Variants in AFF1 observed in about 807,000 individuals in gnomAD.
AFF1 encodes the protein ALF transcription elongation factor 1.
Under a neutral mutation model 121.7 loss-of-function variants are expected in AFF1, and 48 were observed. That is an observed-to-expected ratio of 0.39 (90% confidence interval 0.31 to 0.50). The LOEUF (loss-of-function observed/expected upper bound fraction) is 0.50, where lower values mean the gene tolerates loss of function less well. Among genes scored for constraint, AFF1 ranks in the 20% least tolerant of loss-of-function variants. The probability of loss-of-function intolerance (pLI) is 0.76; values close to 1 mark genes in which losing one functional copy is unlikely to be tolerated. For missense variants in AFF1, 1,523 were observed against 1,511.7 expected, an observed-to-expected ratio of 1.01 and a Z score of -0.12; for synonymous variants, 613 against 563.0, an observed-to-expected ratio of 1.09 and a Z score of -1.26.
At chr4:86,986,608 T>G (rs1288931268) in intron 2 of AFF1, among the ~76,000 whole-genome samples, 1 of 151,868 alleles carries the variant, frequency 6.6e-6, no homozygotes, top group Non-Finnish European at 1.5e-5. Context: ...AAAAAAAAAT[T>G]GTTTTTCCCC....
chr4:87,049,737 T>G, intron 4 of AFF1: 1 of 456,186 alleles, frequency 2.2e-6, no homozygotes, highest in Non-Finnish European at 4.4e-6. Context: ...TGGTACCAAC[T>G]GCCTGGGAGC....
intron 4 of AFF1, among the ~76,000 whole-genome samples, chr4:87,053,118 G>A (rs1346075299): frequency 6.6e-6 from 1 of 152,190 alleles, no homozygotes; most frequent in Non-Finnish European, 1.5e-5. Flanking sequence ...TGTTTATTTA[G>A]TAGGTATTTA....
chr4:86,938,449 C>CAAAAA (rs35867614), intron 1 of AFF1, among the ~76,000 whole-genome samples: 10 of 100,016 alleles, frequency 1.0e-4, no homozygotes, highest in East Asian at 5.9e-4. Flanking sequence ...GACTCCGTCT[C>CAAAAA]AAAAAAAAAA....
rs1334777789 is a variant in AFF1, at chr4:87,115,217, A to G, written c.2384A>G (p.Asp795Gly). The change falls in exon 12 of 21, where the codon GAT becomes GGT. Residue 795 changes from aspartate to glycine, a missense_variant. Coordinates refer to ENST00000395146, the MANE Select transcript of AFF1 (RefSeq NM_001166693.3). ...GGGAGCCGCCAGAGGAAAGCAGAAGATAAACAGCCGCCCGCAGGGAAGAAG... is the reference window on the plus strand; with the variant it reads ...GGGAGCCGCCAGAGGAAAGCAGAAGGTAAACAGCCGCCCGCAGGGAAGAAG... ...GKGSRQRKAE[D>G]KQPPAGKKHS... 1.2e-6 allele frequency: 2 copies of G among 1,614,198 alleles called. No individual in the cohort carries two copies. Among genetic ancestry groups the G allele is most frequent in the Non-Finnish European group, 1.7e-6 (2 of 1,180,040 alleles).
At chr4:87,110,441 T>TTTTTGTTTTGTTTTGTTTTGTTTTG (rs70957206) in intron 11 of AFF1, among the ~76,000 whole-genome samples, 1 of 143,930 alleles carries the variant, frequency 6.9e-6, no homozygotes, top group African/African-American at 2.6e-5. Flanking sequence ...TGTTCTGGTT[T>TTTTTGTTTTGTTTTGTTTTGTTTTG]TTTTGTTTTG....
intron 2 of AFF1, among the ~76,000 whole-genome samples, chr4:87,035,512 G>T (rs1444078329): frequency 6.6e-6 from 1 of 151,812 alleles, no homozygotes; most frequent in Non-Finnish European, 1.5e-5. Context: ...AGTGAGCGGA[G>T]ATCGCGCCAC....
chr4:87,141,037 T>A lies in AFF1; in HGVS notation c.*5336T>A, dbSNP rs1266293034. The stretch of plus-strand genomic sequence containing the variant: ...AAAAATTAATAAAAATTTCGAGAAA[T>A]CATTGGGGTTGAATCCATGCTTTCT... On this transcript the variant is annotated 3_prime_UTR_variant, in exon 21 of 21. Transcript: ENST00000395146. 1.1e-5 allele frequency: 2 copies of A among 175,590 alleles called. No homozygotes were observed. Among genetic ancestry groups the A allele is most frequent in the African/African-American group, 4.7e-5 (2 of 42,182 alleles). 10.9% of individuals were successfully genotyped at this position (175,590 alleles called of 1,614,324 possible).
chr4:87,024,406 C>T lies in AFF1; in HGVS notation c.39-21760C>T, dbSNP rs116097844. The stretch of plus-strand genomic sequence containing the variant: ...TGAAGAAATGTGAGGTCAGTGTTTC[C>T]CAGCGTTAGCCTCTGGGAAGTAAGT... On this transcript the variant is annotated intron_variant, in intron 2 of 20. Transcript: ENST00000395146. Among the ~76,000 whole-genome samples, 390 of 152,136 alleles carry T rather than the reference C, an allele frequency of 2.6e-3. 5 individuals carry two copies. The highest frequency in any genetic ancestry group is 8.2e-3 in the African/African-American group (340 of 41,500).
rs1172272368 is a variant in AFF1, at chr4:87,046,232, C to G, written c.105C>G (p.His35Gln). The change falls in exon 3 of 21, where the codon CAC (histidine) becomes CAG (glutamine). Residue 35 changes from histidine (H) to glutamine (Q), a missense_variant. By Grantham distance (24) the His-to-Gln change is conservative. Coordinates refer to ENST00000395146, the MANE Select transcript of AFF1 (RefSeq NM_001166693.3). ...AGGAAAGACGCAACCAGGAAGCCCA[C>G]CAAGAGAAAGAGGCATTTCCTGAAA... ...REKERRNQEA[H>Q]QEKEAFPEKI... is the part of the protein sequence containing the mutation. The G allele has an allele frequency of 1.2e-6, 2 of 1,613,976 alleles. No homozygotes were observed. The highest frequency in any genetic ancestry group is 1.7e-6 in the Non-Finnish European group (2 of 1,179,980).
In AFF1 at chr4:87,115,285, G is replaced by A. The variant is rs1208919798; in HGVS notation, c.2452G>A (p.Ala818Thr). 1 of 1,600,806 alleles carries A rather than the reference G, an allele frequency of 6.2e-7. No individual in the cohort carries two copies. Among genetic ancestry groups the A allele is most frequent in the Non-Finnish European group, 8.5e-7 (1 of 1,173,634 alleles). ...KRSSDSSSKLAKKRKGEAERD... is the reference protein window; with the variant it reads ...KRSSDSSSKLTKKRKGEAERD... ...GAGCTCAGACAGCTCAAGCAAGTTG[G>A]CCAAAAAGAGAAAGGTGAGTGTGGG... The change falls in exon 12 of 21, where the codon GCC becomes ACC. Residue 818 changes from alanine (A) to threonine (T), a missense_variant. Physicochemically the swap from Ala to Thr is moderately conservative, Grantham distance 58. Transcript: ENST00000395146.
At chr4:87,012,762 G>A (rs773167897) in intron 2 of AFF1, among the ~76,000 whole-genome samples, 21 of 152,142 alleles carry the variant, frequency 1.4e-4, no homozygotes, top group Non-Finnish European at 2.5e-4. Flanking sequence ...TGGTGCTAAT[G>A]CCCCAGGGAA....
chr4:87,110,476 GT>G (rs1726372247), intron 11 of AFF1, among the ~76,000 whole-genome samples: 1 of 139,474 alleles, frequency 7.2e-6, no homozygotes, highest in Non-Finnish European at 1.6e-5. Flanking sequence ...GTTTTGTTTT[GT>G]TTTGTTTTGT....
chr4:87,116,831 GGTGTGTGTGTGT>G (rs70957208), intron 12 of AFF1, among the ~76,000 whole-genome samples: 4 of 151,174 alleles, frequency 2.6e-5, no homozygotes, highest in African/African-American at 9.7e-5. Flanking sequence ...GATGGGGTGG[GGTGTGTGTGTGT>G]GTGTATGTGT....
In AFF1 at chr4:87,126,311, G is replaced by A. The variant is rs747205412; in HGVS notation, c.2786G>A (p.Gly929Asp). ...AAGCAGAGAAGAGTAGAGGGGAAGG[G>A]CTCCAGAAGCTCCTCGGAGCACAAG... ...IPKQRRVEGK[G>D]SRSSSEHKGS... The change falls in exon 14 of 21, where the codon GGC (glycine) becomes GAC (aspartate). Residue 929 changes from glycine (G) to aspartate (D), a missense_variant. Physicochemically the swap from Gly to Asp is moderately conservative, Grantham distance 94. This residue lies in a region of AFF1 where 905 missense variants were observed against 842.5 expected (regional missense o/e 1.07). Transcript: ENST00000395146. 8.7e-6 allele frequency: 14 copies of A among 1,614,124 alleles called. No individual in the cohort carries two copies. The highest frequency in any genetic ancestry group is 1.3e-5 in the African/African-American group (1 of 75,022).
At position 87,130,230 on chromosome 4, in the gene AFF1, C is replaced by T. The variant is rs552500111; in HGVS notation, c.2965-853C>T. ...TCAAGTGATCCACTCACCTCAGCCT[C>T]CCAAAGTGCTGGGATTACAGGCGTG... On this transcript the variant is annotated intron_variant, in intron 16 of 20. Transcript: ENST00000395146. 4.6e-5 allele frequency among the ~76,000 whole-genome samples: 7 copies of T among 152,328 alleles called. No homozygotes were observed. The South Asian group carries it at 1.4e-3, about 32-fold the overall frequency.
At chr4:86,991,369 T>C (rs1405403346) in intron 2 of AFF1, among the ~76,000 whole-genome samples, 2 of 151,126 alleles carry the variant, frequency 1.3e-5, no homozygotes, top group Non-Finnish European at 2.9e-5. Flanking sequence ...GGTGTGAACC[T>C]GGGAGGCGGA....
intron 2 of AFF1, among the ~76,000 whole-genome samples, chr4:87,013,669 T>A (rs1175562580): frequency 6.7e-6 from 1 of 149,138 alleles, no homozygotes; most frequent in Admixed American, 6.7e-5. Context: ...ATCTTACCTT[T>A]TTTTTTTTTT....
Position 87,127,096 on chromosome 4 carries a change from A to G in AFF1, c.2882A>G (p.Lys961Arg), listed in dbSNP as rs1284772180. 1 of 1,613,096 alleles carries G rather than the reference A, an allele frequency of 6.2e-7. No individual in the cohort carries two copies. Among genetic ancestry groups the G allele is most frequent in the African/African-American group, 1.3e-5 (1 of 74,748 alleles). The change falls in exon 15 of 21, where the codon AAG becomes AGG. Residue 961 changes from lysine to arginine, a missense_variant. By Grantham distance (26) the Lys-to-Arg change is conservative. Around this residue, in one of 5 missense-constraint regions of AFF1, gnomAD observed 905 missense variants for 842.5 expected, o/e 1.07. Coordinates refer to ENST00000395146, the MANE Select transcript of AFF1 (RefSeq NM_001166693.3). ...CCAAATGGTAACTCTAAACCAGGGAAGCCTCAAGTGAAGTTTGACAAGTAA... is the reference window on the plus strand; with the variant it reads ...CCAAATGGTAACTCTAAACCAGGGAGGCCTCAAGTGAAGTTTGACAAGTAA... ...SLPNGNSKPG[K>R]PQVKFDKQQA...
At chr4:87,125,397 T>C (rs569229531) in intron 13 of AFF1, 5 of 293,752 alleles carry the variant, frequency 1.7e-5, no homozygotes, top group Non-Finnish European at 3.1e-5. Context: ...CATCTGGATT[T>C]TTTTTTTCCC....
Sources: gnomAD v4.1 joint callset for allele counts (sites outside exome capture counted in the v4.1 genomes callset) on GRCh38, gnomAD v4.1.1 for gene constraint, gnomAD v4.1.1 regional missense constraint, MANE v1.5 for transcripts, NCBI Gene and HGNC (gene_info 2026-07-23, HGNC 2026-07-21) for gene names.